ZBTB7C: variants seen among roughly 807,000 people sequenced by gnomAD.
The protein encoded by ZBTB7C is zinc finger and BTB domain containing 7C.
In ZBTB7C, 8 loss-of-function variants were observed where a neutral mutation model predicts 25.7. That is an observed-to-expected ratio of 0.31 (90% confidence interval 0.18 to 0.56). The LOEUF is 0.56. Among genes scored for constraint, ZBTB7C ranks in the 20% least tolerant of loss-of-function variants. The probability of loss-of-function intolerance (pLI) is 0.91; values close to 1 mark genes in which losing one functional copy is unlikely to be tolerated. For missense variants in ZBTB7C, 824 were observed against 855.2 expected, an observed-to-expected ratio of 0.96 and a Z score of 0.46; for synonymous variants, 394 against 369.0, an observed-to-expected ratio of 1.07 and a Z score of -0.78.
intron 3 of ZBTB7C, among the ~76,000 whole-genome samples, chr18:48,050,183 A>T (rs1363118792): frequency 6.6e-6 from 1 of 152,134 alleles, no homozygotes; most frequent in Non-Finnish European, 1.5e-5. Flanking sequence ...TTAGGGCAGG[A>T]TAAAGGGTGG....
chr18:48,118,728 T>G (rs2039529057), intron 3 of ZBTB7C, among the ~76,000 whole-genome samples: 1 of 152,216 alleles, frequency 6.6e-6, no homozygotes. Context: ...TATGAGTGAT[T>G]AGGAAATGCT....
Position 48,046,730 on chromosome 18 carries a change from T to C in ZBTB7C, c.-16-5607A>G, listed in dbSNP as rs1359239334. On this transcript the variant is annotated intron_variant, in intron 3 of 4. Coordinates refer to ENST00000590800, the MANE Select transcript of ZBTB7C (RefSeq NM_001318841.2). ...GGTTGTCCTGTGCTAAGTGTGGATCTTCTGTGCTTTGAGAGCAATGTCTAC... is the reference window on the plus strand; with the variant it reads ...GGTTGTCCTGTGCTAAGTGTGGATCCTCTGTGCTTTGAGAGCAATGTCTAC... 2.0e-5 allele frequency among the ~76,000 whole-genome samples: 3 copies of C among 152,272 alleles called. No individual in the cohort carries two copies. The East Asian group carries it at 5.8e-4, about 29-fold the overall frequency.
intron 3 of ZBTB7C, among the ~76,000 whole-genome samples, chr18:48,156,370 C>A (rs533523545): frequency 1.3e-5 from 2 of 152,320 alleles, no homozygotes; most frequent in East Asian, 3.9e-4. Flanking sequence ...CACTAACCCA[C>A]AATGCGCCCC....
chr18:48,199,193 A>C (rs1490086905), intron 2 of ZBTB7C, among the ~76,000 whole-genome samples: 1 of 152,120 alleles, frequency 6.6e-6, no homozygotes, highest in Non-Finnish European at 1.5e-5. Context: ...GAAATTCCAC[A>C]ATGATGTGCC....
intron 2 of ZBTB7C, among the ~76,000 whole-genome samples, chr18:48,328,802 GC>G (rs2046282822): frequency 6.6e-6 from 1 of 151,906 alleles, no homozygotes; most frequent in Admixed American, 6.6e-5. Flanking sequence ...TGGAAATACT[GC>G]CCCCGCCCCA....
rs555915382 is a variant in ZBTB7C, at chr18:48,316,823, A to G, written c.-79+21351T>C. ...CTTTATAGAACTAACACAGGAGGCAATGAAGAGACCTCGTTCTACGTGGTG... is the reference window on the plus strand; with the variant it reads ...CTTTATAGAACTAACACAGGAGGCAGTGAAGAGACCTCGTTCTACGTGGTG... On this transcript the variant is annotated intron_variant, in intron 2 of 4. Transcript: ENST00000590800. Among the ~76,000 whole-genome samples the G allele has an allele frequency of 7.2e-4, 109 of 152,330 alleles. 1 individual carries two copies. The highest frequency in any genetic ancestry group is 2.6e-3 in the African/African-American group (107 of 41,584).
In ZBTB7C at chr18:48,040,753, T is replaced by G; in HGVS notation, c.355A>C (p.Ile119Leu). The change falls in exon 4 of 5, where the codon ATC becomes CTC. Residue 119 changes from isoleucine (I) to leucine (L), a missense_variant. Ile to Leu is a conservative substitution (Grantham distance 5, BLOSUM62 2). Around this residue, in one of 4 missense-constraint regions of ZBTB7C, gnomAD observed 117 missense variants for 167.7 expected, o/e 0.70. Coordinates refer to ENST00000590800, the MANE Select transcript of ZBTB7C (RefSeq NM_001318841.2). ...ATGATCTCCAGGCACACGTTCACGA[T>G]GCACTGGATCTCCAGCATCCTGGCT... ...NAARMLEIQC[I>L]VNVCLEIMEP... The G allele has an allele frequency of 1.2e-6, 2 of 1,614,008 alleles. No individual in the cohort carries two copies. The highest frequency in any genetic ancestry group is 2.7e-5 in the African/African-American group (2 of 74,976).
At chr18:48,347,102 G>GA (rs2046750263) in intron 1 of ZBTB7C, among the ~76,000 whole-genome samples, 1 of 147,152 alleles carries the variant, frequency 6.8e-6, no homozygotes, top group Non-Finnish European at 1.5e-5. Context: ...CTTTTCTATA[G>GA]AGTGATTCCC....
At chr18:48,159,868 G>A (rs903181894) in intron 3 of ZBTB7C, among the ~76,000 whole-genome samples, 2 of 152,182 alleles carry the variant, frequency 1.3e-5, no homozygotes, top group African/African-American at 4.8e-5. Flanking sequence ...AGCCCAGGGG[G>A]CCTCCAGCCC....
intron 2 of ZBTB7C, among the ~76,000 whole-genome samples, chr18:48,327,656 GGAGATGAGA>G (rs2046251839): frequency 6.6e-6 from 1 of 152,154 alleles, no homozygotes; most frequent in South Asian, 2.1e-4. Context: ...AAGAATCGCT[GGAGATGAGA>G]GAGGGCAGGG....
chr18:48,212,410 G>A (rs2042723227), intron 2 of ZBTB7C, among the ~76,000 whole-genome samples: 1 of 150,664 alleles, frequency 6.6e-6, no homozygotes, highest in Non-Finnish European at 1.5e-5. Flanking sequence ...ATGGACACAT[G>A]TCATTATACA....
chr18:48,235,331 G>A (rs1470734596), intron 2 of ZBTB7C, among the ~76,000 whole-genome samples: 2 of 151,810 alleles, frequency 1.3e-5, no homozygotes, highest in African/African-American at 4.8e-5. Flanking sequence ...ACGTTTTAGT[G>A]CTTACTCTTA....
intron 3 of ZBTB7C, among the ~76,000 whole-genome samples, chr18:48,108,749 TA>T (rs1403936781): frequency 6.6e-6 from 1 of 152,140 alleles, no homozygotes. Context: ...ACTGTTTTTC[TA>T]AGCCATGTTT....
chr18:48,247,725 G>A (rs930632094), intron 2 of ZBTB7C, among the ~76,000 whole-genome samples: 4 of 151,966 alleles, frequency 2.6e-5, no homozygotes, highest in East Asian at 1.9e-4. Context: ...ACCAGGCTGA[G>A]GTAATTGGAT....
chr18:48,071,268 T>A (rs2037530490), intron 3 of ZBTB7C, among the ~76,000 whole-genome samples: 1 of 152,156 alleles, frequency 6.6e-6, no homozygotes, highest in Non-Finnish European at 1.5e-5. Flanking sequence ...CTAAGAAACG[T>A]CTGGTCATTT....
intron 3 of ZBTB7C, among the ~76,000 whole-genome samples, chr18:48,044,782 C>T (rs1212228615): frequency 6.6e-6 from 1 of 152,254 alleles, no homozygotes; most frequent in Non-Finnish European, 1.5e-5. Flanking sequence ...GGTTAAATAT[C>T]CTCCCTAAAC....
At chr18:48,330,693 G>T (rs765540416) in intron 2 of ZBTB7C, among the ~76,000 whole-genome samples, 11 of 151,948 alleles carry the variant, frequency 7.2e-5, no homozygotes, top group South Asian at 2.1e-4. Context: ...AGGACTGAGT[G>T]AGTGTGGGCA....
intron 1 of ZBTB7C, among the ~76,000 whole-genome samples, chr18:48,376,673 G>T (rs966072667): frequency 1.1e-4 from 16 of 152,220 alleles, no homozygotes; most frequent in African/African-American, 3.9e-4. Context: ...CTGCAGTCTG[G>T]GTGTACAACC....
chr18:48,035,412 A>T (rs1317763095), intron 4 of ZBTB7C, among the ~76,000 whole-genome samples: 2 of 152,202 alleles, frequency 1.3e-5, no homozygotes, highest in Non-Finnish European at 2.9e-5. Context: ...CTGTGACAGG[A>T]TGCAGGGGCT....
Sources: allele counts gnomAD v4.1 joint callset (sites outside exome capture counted in the v4.1 genomes callset), GRCh38; gene constraint gnomAD v4.1.1; regional missense constraint gnomAD v4.1.1; transcripts MANE v1.5; gene names NCBI Gene and HGNC (gene_info 2026-07-23, HGNC 2026-07-21).